Variants in CHST8 observed in about 807,000 individuals in gnomAD.
CHST8 encodes the protein carbohydrate sulfotransferase 8.
A neutral mutation model predicts 15.0 loss-of-function variants in CHST8; 10 were observed. The ratio of observed to expected loss-of-function variants is 0.67; its 90% CI spans 0.41 to 1.13. The LOEUF (loss-of-function observed/expected upper bound fraction) is 1.13. Among genes scored for constraint, CHST8 ranks in the 50% most tolerant of loss-of-function variants. The pLI, the probability that CHST8 is intolerant of heterozygous loss-of-function variation, is 0.00. For synonymous variants in CHST8, 259 were observed against 256.6 expected, an observed-to-expected ratio of 1.01 and a Z score of -0.09; for missense variants, 634 against 608.2, an observed-to-expected ratio of 1.04 and a Z score of -0.45.
intron 1 of CHST8, among the ~76,000 whole-genome samples, chr19:33,661,600 C>CA (rs1972585663): frequency 6.6e-6 from 1 of 152,244 alleles, no homozygotes; most frequent in African/African-American, 2.4e-5. Context: ...CCCACTGCCT[C>CA]ACCACATTCT....
At chr19:33,653,383 T>C (rs965185731) in intron 1 of CHST8, among the ~76,000 whole-genome samples, 1 of 152,106 alleles carries the variant, frequency 6.6e-6, no homozygotes, top group Non-Finnish European at 1.5e-5. Flanking sequence ...TTCTCTCTGG[T>C]TATTTTTGTG....
Position 33,699,258 on chromosome 19 carries a change from G to C in CHST8, c.130+9867G>C, listed in dbSNP as rs548059077. 2.0e-5 allele frequency among the ~76,000 whole-genome samples: 3 copies of C among 152,190 alleles called. No homozygotes were observed. The East Asian group carries it at 5.8e-4, about 29-fold the overall frequency. ...GCACAGGGAGATGGAGACACGGGAG[G>C]AGGAAGCTCGGGCTCTGCTCTCGGG... On this transcript the variant is annotated intron_variant, in intron 3 of 4. Coordinates refer to ENST00000650847, the MANE Select transcript of CHST8 (RefSeq NM_001127895.2).
At chr19:33,677,138 C>T (rs1005861704) in intron 2 of CHST8, among the ~76,000 whole-genome samples, 1 of 147,434 alleles carries the variant, frequency 6.8e-6, no homozygotes, top group Non-Finnish European at 1.5e-5. Context: ...GCTCCAGCAA[C>T]CCCTTGTGTG....
At chr19:33,688,562 A>G (rs1247773287) in intron 2 of CHST8, among the ~76,000 whole-genome samples, 1 of 152,104 alleles carries the variant, frequency 6.6e-6, no homozygotes, top group East Asian at 1.9e-4. Context: ...GTCCAGAGGG[A>G]CTGACATACG....
At chr19:33,695,235 C>G (rs1018599008) in intron 3 of CHST8, among the ~76,000 whole-genome samples, 2 of 152,074 alleles carry the variant, frequency 1.3e-5, no homozygotes, top group Non-Finnish European at 2.9e-5. Context: ...TGTGAGCCAC[C>G]ACAACTGGCT....
At chr19:33,763,025 T>C (rs1974768401) in intron 3 of CHST8, among the ~76,000 whole-genome samples, 1 of 152,104 alleles carries the variant, frequency 6.6e-6, no homozygotes, top group African/African-American at 2.4e-5. Context: ...CCCACCATCA[T>C]GCCTGGCTAA....
intron 2 of CHST8, among the ~76,000 whole-genome samples, chr19:33,679,126 T>C (rs1972851121): frequency 6.6e-6 from 1 of 152,252 alleles, no homozygotes; most frequent in Admixed American, 6.5e-5. Context: ...GTCTGCACCC[T>C]GCCAGGGGCC....
intron 3 of CHST8, among the ~76,000 whole-genome samples, chr19:33,763,041 G>A (rs1040897845): frequency 6.6e-6 from 1 of 151,994 alleles, no homozygotes; most frequent in African/African-American, 2.4e-5. Context: ...GCTAATTTTT[G>A]TATTTTTAGT....
intron 1 of CHST8, among the ~76,000 whole-genome samples, chr19:33,640,237 G>A (rs1023891244): frequency 6.6e-6 from 1 of 151,844 alleles, no homozygotes; most frequent in Non-Finnish European, 1.5e-5. Flanking sequence ...CTAGCACCAC[G>A]TGACTCCTTG....
chr19:33,701,926 C>G (rs147260941), intron 3 of CHST8, among the ~76,000 whole-genome samples: 2 of 152,142 alleles, frequency 1.3e-5, no homozygotes, highest in African/African-American at 2.4e-5. Flanking sequence ...CCTGTGCTCC[C>G]CCTTCTCTGT....
intron 3 of CHST8, among the ~76,000 whole-genome samples, chr19:33,696,536 G>A (rs1359409814): frequency 6.6e-6 from 1 of 152,064 alleles, no homozygotes; most frequent in Non-Finnish European, 1.5e-5. Flanking sequence ...TATATTACAT[G>A]TAATAATATA....
chr19:33,655,489 C>T (rs1312576723), intron 1 of CHST8, among the ~76,000 whole-genome samples: 1 of 152,088 alleles, frequency 6.6e-6, no homozygotes, highest in Non-Finnish European at 1.5e-5. Context: ...TTTCTTCATC[C>T]TCTGGAACAT....
chr19:33,646,922 C>G (rs1273409060), intron 1 of CHST8, among the ~76,000 whole-genome samples: 3 of 152,054 alleles, frequency 2.0e-5, no homozygotes, highest in African/African-American at 7.2e-5. Context: ...CTCAAAATAA[C>G]TAAATAAAAA....
At chr19:33,639,591 T>TG (rs778223831) in intron 1 of CHST8, among the ~76,000 whole-genome samples, 9 of 152,068 alleles carry the variant, frequency 5.9e-5, no homozygotes, top group Middle Eastern at 3.4e-3. Flanking sequence ...CTGGGGAATG[T>TG]GGGGTTAGGA....
intron 2 of CHST8, among the ~76,000 whole-genome samples, chr19:33,672,771 G>A (rs578045478): frequency 6.6e-6 from 1 of 152,222 alleles, no homozygotes; most frequent in African/African-American, 2.4e-5. Context: ...GACGCTTGGC[G>A]TGGATGTCTG....
At chr19:33,660,412 G>A (rs1451583682) in intron 1 of CHST8, among the ~76,000 whole-genome samples, 1 of 152,190 alleles carries the variant, frequency 6.6e-6, no homozygotes, top group Admixed American at 6.5e-5. Flanking sequence ...GGGGCAGAGA[G>A]CTGGTGGTGC....
intron 2 of CHST8, among the ~76,000 whole-genome samples, chr19:33,674,124 G>T (rs1261548630): frequency 6.6e-6 from 1 of 152,212 alleles, no homozygotes; most frequent in Non-Finnish European, 1.5e-5. Flanking sequence ...GAGGCTAGGA[G>T]ATTTTGGTTA....
At chr19:33,662,893 T>C (rs1311251234) in intron 1 of CHST8, among the ~76,000 whole-genome samples, 5 of 152,182 alleles carry the variant, frequency 3.3e-5, no homozygotes, top group African/African-American at 1.2e-4. Context: ...ACATTCCTTT[T>C]TTAAAAGTCA....
chr19:33,655,477 CT>C (rs1972500596), intron 1 of CHST8, among the ~76,000 whole-genome samples: 1 of 152,166 alleles, frequency 6.6e-6, no homozygotes, highest in African/African-American at 2.4e-5. Flanking sequence ...AAGTTTTTCT[CT>C]TTTCTTCATC....
Sources: gnomAD v4.1 joint callset for allele counts (sites outside exome capture counted in the v4.1 genomes callset) on GRCh38, gnomAD v4.1.1 for gene constraint, MANE v1.5 for transcripts, NCBI Gene and HGNC (gene_info 2026-07-23, HGNC 2026-07-21) for gene names.